Variants in NDUFA7 observed in about 807,000 individuals in gnomAD.
NDUFA7 encodes the protein NADH:ubiquinone oxidoreductase subunit A7, also known as NADH dehydrogenase [ubiquinone] 1 alpha subcomplex subunit 7.
Under a neutral mutation model 14.2 loss-of-function variants are expected in NDUFA7, and 18 were observed. That is an observed-to-expected ratio of 1.27 (90% CI 0.88 to 1.88). The LOEUF (loss-of-function observed/expected upper bound fraction) is 1.88. NDUFA7 is among the 40% of genes most tolerant of loss of function. The probability of loss-of-function intolerance (pLI) is 0.00; values close to 1 mark genes in which losing one functional copy is unlikely to be tolerated. For missense variants in NDUFA7, 172 were observed against 147.3 expected (o/e 1.17, Z -0.87); for synonymous variants, 75 against 62.1 (o/e 1.21, Z -0.98).
rs749676239 is a variant in NDUFA7, at chr19:8,321,353, C to A, written c.6G>T (p.Ala2=). The A allele has an allele frequency of 1.9e-6, 3 of 1,574,536 alleles. No homozygotes were observed. Among genetic ancestry groups the A allele is most frequent in the Admixed American group, 1.8e-5 (1 of 54,370 alleles). The part of the protein sequence containing the change: M[A]SATRLIQRLR... ...GCCGCTGGATGAGACGGGTGGCGGA[C>A]GCCATCTTCCGTCCGCGATACTGAA... The change falls in exon 1 of 4, where the codon GCG becomes GCT. Residue 2 remains alanine (A), a synonymous_variant. Coordinates refer to ENST00000301457, the MANE Select transcript of NDUFA7 (RefSeq NM_005001.5).
At chr19:8,316,456 G>C (rs367964698) in intron 3 of NDUFA7, 40 bp downstream of exon 3, 38 of 1,607,266 alleles carry the variant, frequency 2.4e-5, no homozygotes, top group Admixed American at 1.8e-4. Flanking sequence ...TTGCAGGAGG[G>C]GGCATGGGGG....
intron 3 of NDUFA7, among the ~76,000 whole-genome samples, chr19:8,314,649 C>T (rs1393723166): frequency 6.6e-6 from 1 of 152,126 alleles, no homozygotes; most frequent in Non-Finnish European, 1.5e-5. Flanking sequence ...CATGGTGGCT[C>T]ACGCCTGTAA....
intron 2 of NDUFA7, among the ~76,000 whole-genome samples, chr19:8,320,619 T>C (rs1970291061): frequency 6.6e-6 from 1 of 152,196 alleles, no homozygotes; most frequent in Non-Finnish European, 1.5e-5. Context: ...ATGGCCACGC[T>C]GAGCACTGCA....
intron 3 of NDUFA7, among the ~76,000 whole-genome samples, chr19:8,314,386 C>G (rs900445522): frequency 6.9e-6 from 1 of 144,222 alleles, no homozygotes; most frequent in Non-Finnish European, 1.5e-5. Context: ...CTCACAGGAC[C>G]CTTGGAGGGA....
rs1970306892 is a variant in NDUFA7 at position 8,321,315 on chromosome 19, G to T, written c.44C>A (p.Ala15Glu). The T allele has an allele frequency of 6.3e-7, 1 of 1,575,900 alleles. No individual in the cohort carries two copies. The highest frequency in any genetic ancestry group is 8.6e-7 in the Non-Finnish European group (1 of 1,164,138). The change falls in exon 1 of 4, where the codon GCG becomes GAG. Residue 15 changes from alanine (A) to glutamate (E), a missense_variant. Transcript: ENST00000301457. ...CCTGTCCGCCCCGCGCACCCCGGAC[G>T]CCCAGTTCCGCAGCCGCTGGATGAG... Reference protein sequence around the residue: ...TRLIQRLRNWASGHDLQGKLQ... With the variant: ...TRLIQRLRNWESGHDLQGKLQ...
chr19:8,311,862 A>G (rs1046329659), intron 3 of NDUFA7, among the ~76,000 whole-genome samples: 31 of 152,242 alleles, frequency 2.0e-4, no homozygotes, highest in African/African-American at 7.5e-4. Flanking sequence ...CCCACTGTGG[A>G]GAGCTGGGCT....
intron 3 of NDUFA7, among the ~76,000 whole-genome samples, chr19:8,312,693 A>G (rs1970191856): frequency 6.6e-6 from 1 of 150,996 alleles, no homozygotes; most frequent in South Asian, 2.1e-4. Context: ...ACAGGGTCTC[A>G]CTTTGTCACC....
downstream of NDUFA7, among the ~76,000 whole-genome samples, chr19:8,309,507 G>A (rs568015308): frequency 6.6e-6 from 1 of 152,136 alleles, no homozygotes; most frequent in African/African-American, 2.4e-5. Context: ...ATAAAACTTG[G>A]TTCAGATGCC....
Position 8,316,564 on chromosome 19 carries a change from C to A in NDUFA7, c.183G>T (p.Arg61=). ...TGATGATGGAAGGGGGCACAGATTC[C>A]CGGCGGCCATCGCGAGTGCAATAGT... ...NNYYCTRDGR[R]ESVPPSIIMS... Residue 61 remains arginine (R), a synonymous_variant, in exon 3 of 4, where the codon CGG becomes CGT. Transcript: ENST00000301457. 6 of 1,614,150 alleles carry A rather than the reference C, an allele frequency of 3.7e-6. No individual in the cohort carries two copies. The highest frequency in any genetic ancestry group is 5.1e-6 in the Non-Finnish European group (6 of 1,180,042).
chr19:8,317,181 C>T (rs754789499), intron 2 of NDUFA7, among the ~76,000 whole-genome samples: 10 of 152,230 alleles, frequency 6.6e-5, no homozygotes, highest in African/African-American at 9.6e-5. Flanking sequence ...CAACTCCTCT[C>T]TGGAGCCCAG....
intron 2 of NDUFA7, among the ~76,000 whole-genome samples, chr19:8,317,534 A>G (rs1478640327): frequency 6.6e-6 from 1 of 152,144 alleles, no homozygotes; most frequent in African/African-American, 2.4e-5. Context: ...CTCAAAACAA[A>G]AGACGGGCTT....
rs562313692 is a variant in NDUFA7, at chr19:8,316,942, CAT to C, written c.102-299_102-298del. On this transcript the variant is annotated intron_variant, in intron 2 of 3. Transcript: ENST00000301457. ...TTTCTGAGGCTCCCAAGGCCCGGGA[CAT>C]GTCCCCATGCCCCCCACCCCACGGC... is the stretch of plus-strand genomic sequence containing the variant. 1,616 of 269,632 alleles carry C rather than the reference CAT, an allele frequency of 6.0e-3. 22 individuals are homozygous for C. Among genetic ancestry groups the C allele is most frequent in the African/African-American group, 0.032 (1,476 of 45,418 alleles). 16.7% of individuals were successfully genotyped at this position (269,632 alleles called of 1,614,324 possible).
intron 2 of NDUFA7, chr19:8,316,855 G>A: frequency 1.8e-6 from 1 of 567,840 alleles, no homozygotes; most frequent in Non-Finnish European, 3.1e-6. Context: ...CCCTGCTCTG[G>A]ATGTGAAGAT....
intron 3 of NDUFA7, among the ~76,000 whole-genome samples, chr19:8,316,197 G>GT (rs375147212): frequency 2.1e-4 from 31 of 150,370 alleles, no homozygotes; most frequent in African/African-American, 7.1e-4. Flanking sequence ...GCACTAATCT[G>GT]TAACACCAAT....
At chr19:8,315,269 A>C (rs531501721) in intron 3 of NDUFA7, among the ~76,000 whole-genome samples, 1 of 152,262 alleles carries the variant, frequency 6.6e-6, no homozygotes, top group South Asian at 2.1e-4. Flanking sequence ...GACACCGGTA[A>C]AGGGTCTGTG....
chr19:8,319,962 C>T (rs538581288), intron 2 of NDUFA7, among the ~76,000 whole-genome samples: 1 of 152,124 alleles, frequency 6.6e-6, no homozygotes, highest in Non-Finnish European at 1.5e-5. Context: ...TCTCCTGCCT[C>T]AACCTCCCGA....
chr19:8,310,065 G>A (rs1970158706), downstream of NDUFA7, among the ~76,000 whole-genome samples: 1 of 152,216 alleles, frequency 6.6e-6, no homozygotes, highest in East Asian at 1.9e-4. Context: ...GGTGACCATG[G>A]TCAAGCAGGA....
downstream of NDUFA7, among the ~76,000 whole-genome samples, chr19:8,311,074 T>C (rs1183893650): frequency 2.0e-5 from 3 of 152,098 alleles, no homozygotes; most frequent in Admixed American, 2.0e-4. Context: ...TGGAGCTAAC[T>C]CATTCTCATC....
At chr19:8,319,112 CG>C (rs1970270254) in intron 2 of NDUFA7, among the ~76,000 whole-genome samples, 1 of 113,964 alleles carries the variant, frequency 8.8e-6, no homozygotes, top group African/African-American at 3.4e-5. Flanking sequence ...CTAGGGGGGT[CG>C]GGGGTTGGGG....
Sources: gnomAD v4.1 joint callset for allele counts (sites outside exome capture counted in the v4.1 genomes callset) on GRCh38, gnomAD v4.1.1 for gene constraint, MANE v1.5 for transcripts, NCBI Gene and HGNC (gene_info 2026-07-23, HGNC 2026-07-21) for gene names.